PIK3C3: variants seen among roughly 807,000 people sequenced by gnomAD.
PIK3C3 encodes the protein phosphatidylinositol 3-kinase catalytic subunit type 3, also known as PI3-kinase type 3.
Under a neutral mutation model 126.1 loss-of-function variants are expected in PIK3C3, and 95 were observed. That is an observed-to-expected ratio of 0.75 (90% CI 0.64 to 0.89). PIK3C3 has a LOEUF of 0.89. PIK3C3 is among the 40% of genes least tolerant of loss of function. The probability of loss-of-function intolerance (pLI) is 0.00; values close to 1 mark genes in which losing one functional copy is unlikely to be tolerated. For synonymous variants in PIK3C3, 374 were observed against 360.0 expected, an observed-to-expected ratio of 1.04 and a Z score of -0.44; for missense variants, 829 against 1,063.2, an observed-to-expected ratio of 0.78 and a Z score of 3.06.
chr18:41,966,917 A>G (rs2144304580), intron 3 of PIK3C3, among the ~76,000 whole-genome samples: 1 of 152,298 alleles, frequency 6.6e-6, no homozygotes, highest in South Asian at 2.1e-4. Flanking sequence ...TAGGTCTAAG[A>G]TATTTTGAGG....
intron 1 of PIK3C3, among the ~76,000 whole-genome samples, chr18:41,956,096 T>G (rs1318963843): frequency 6.6e-6 from 1 of 151,904 alleles, no homozygotes; most frequent in Non-Finnish European, 1.5e-5. Flanking sequence ...CATGTAGGAG[T>G]GTTGTCAAAG....
At position 41,999,050 on chromosome 18, in the gene PIK3C3, T is replaced by C. The variant is rs114068002; in HGVS notation, c.984+2320T>C. On this transcript the variant is annotated intron_variant, in intron 9 of 24. Coordinates refer to ENST00000262039, the MANE Select transcript of PIK3C3 (RefSeq NM_002647.4). ...TCACACTTTTTATTTTTTAATTAAA[T>C]TTTGTCTTTCTACCCCCTTTTTTTT... Among the ~76,000 whole-genome samples, 501 of 152,224 alleles carry C rather than the reference T, an allele frequency of 3.3e-3. 2 individuals carry two copies. The highest frequency in any genetic ancestry group is 0.011 in the African/African-American group (473 of 41,540).
chr18:41,974,554 C>T (rs1348512547), intron 4 of PIK3C3, among the ~76,000 whole-genome samples: 2 of 151,482 alleles, frequency 1.3e-5, no homozygotes, highest in Non-Finnish European at 2.9e-5. Flanking sequence ...ATTACCCCCC[C>T]ACCCCCTGCC....
intron 15 of PIK3C3, among the ~76,000 whole-genome samples, chr18:42,030,147 G>A (rs1347150584): frequency 6.6e-6 from 1 of 152,134 alleles, no homozygotes; most frequent in Non-Finnish European, 1.5e-5. Flanking sequence ...GATATGGAAA[G>A]AATCTCTAGA....
chr18:41,987,106 A>G (rs1981519483), intron 4 of PIK3C3, among the ~76,000 whole-genome samples: 1 of 143,544 alleles, frequency 7.0e-6, no homozygotes, highest in Non-Finnish European at 1.6e-5. Context: ...CAATTTGTTT[A>G]GAAGGAATGA....
At chr18:42,032,067 A>G (rs562414249) in intron 15 of PIK3C3, among the ~76,000 whole-genome samples, 90 of 152,378 alleles carry the variant, frequency 5.9e-4, no homozygotes, top group Admixed American at 7.8e-4. Context: ...GCAGTGTTTC[A>G]CTTCTTAATA....
rs1156420067 is a variant in PIK3C3, at chr18:41,955,302, C to G, written c.11C>G (p.Ala4Gly). MGE[A>G]EKFHYIYSCD... ...TTTGCAGACGGTGCGATGGGGGAAG[C>G]AGAGAAGTTTCACTACATCTATAGT... Residue 4 changes from alanine to glycine, a missense_variant, in exon 1 of 25, where the codon GCA becomes GGA. Ala to Gly is a moderately conservative substitution (Grantham distance 60). Around this residue, in one of 4 missense-constraint regions of PIK3C3, gnomAD observed 313 missense variants for 340.7 expected, o/e 0.92. Transcript: ENST00000262039. The G allele has an allele frequency of 6.2e-7, 1 of 1,613,064 alleles. No homozygotes were observed.
intron 24 of PIK3C3, among the ~76,000 whole-genome samples, chr18:42,075,388 TCA>T (rs1985936174): frequency 6.6e-6 from 1 of 152,086 alleles, no homozygotes; most frequent in Non-Finnish European, 1.5e-5. Flanking sequence ...CACCAATATA[TCA>T]CACACAGCTT....
intron 9 of PIK3C3, among the ~76,000 whole-genome samples, chr18:42,004,118 A>T (rs1046899123): frequency 1.3e-5 from 2 of 152,244 alleles, no homozygotes; most frequent in South Asian, 4.1e-4. Flanking sequence ...AAATTAAAAA[A>T]TTCATAGTGC....
intron 3 of PIK3C3, among the ~76,000 whole-genome samples, chr18:41,966,921 T>A (rs549699857): frequency 6.6e-6 from 1 of 152,298 alleles, no homozygotes; most frequent in Admixed American, 6.5e-5. Context: ...TCTAAGATAT[T>A]TTGAGGGGGT....
intron 21 of PIK3C3, among the ~76,000 whole-genome samples, chr18:42,054,556 ACAGT>A (rs1270532373): frequency 1.2e-4 from 19 of 152,180 alleles, no homozygotes; most frequent in African/African-American, 3.9e-4. Context: ...AGTCAAGTTG[ACAGT>A]CAGTATTAAC....
chr18:41,965,765 C>G (rs887716535), intron 3 of PIK3C3, among the ~76,000 whole-genome samples: 5 of 152,096 alleles, frequency 3.3e-5, no homozygotes, highest in Non-Finnish European at 5.9e-5. Context: ...TGTGTATATC[C>G]CAGTGAAAGG....
At chr18:42,069,161 A>T (rs1985672349) in intron 24 of PIK3C3, among the ~76,000 whole-genome samples, 1 of 152,112 alleles carries the variant, frequency 6.6e-6, no homozygotes, top group Non-Finnish European at 1.5e-5. Flanking sequence ...TTTTCCCTGA[A>T]CACCAGTCTT....
intron 15 of PIK3C3, among the ~76,000 whole-genome samples, chr18:42,032,262 G>A (rs144345466): frequency 3.3e-4 from 51 of 152,334 alleles, no homozygotes; most frequent in Non-Finnish European, 5.1e-4. Flanking sequence ...ATTTGGAGCA[G>A]AGGGAATGGG....
At chr18:42,077,837 A>G (rs919590487) in intron 24 of PIK3C3, among the ~76,000 whole-genome samples, 5 of 152,206 alleles carry the variant, frequency 3.3e-5, no homozygotes, top group Non-Finnish European at 5.9e-5. Context: ...GCTGAGATCC[A>G]TCAGAGGAAT....
chr18:41,972,043 G>T (rs760634253), intron 4 of PIK3C3, among the ~76,000 whole-genome samples: 1 of 152,084 alleles, frequency 6.6e-6, no homozygotes, highest in African/African-American at 2.4e-5. Context: ...AGGCATCGGT[G>T]TATGGAGTAT....
chr18:42,051,767 G>T (rs1210810480), intron 21 of PIK3C3, among the ~76,000 whole-genome samples: 1 of 151,772 alleles, frequency 6.6e-6, no homozygotes, highest in Non-Finnish European at 1.5e-5. Flanking sequence ...TTTTTTATTG[G>T]TTGAATCTTT....
At chr18:42,008,320 A>G (rs1200097772) in intron 10 of PIK3C3, among the ~76,000 whole-genome samples, 1 of 152,156 alleles carries the variant, frequency 6.6e-6, no homozygotes, top group African/African-American at 2.4e-5. Context: ...GAAATGTAGA[A>G]TTTTTACGTT....
intron 22 of PIK3C3, among the ~76,000 whole-genome samples, chr18:42,064,471 T>TA (rs1183904686): frequency 1.3e-5 from 2 of 152,130 alleles, no homozygotes; most frequent in African/African-American, 4.8e-5. Context: ...ATATACTTAC[T>TA]AAAAAATGAA....
Sources: gnomAD v4.1 joint callset for allele counts (sites outside exome capture counted in the v4.1 genomes callset) on GRCh38, gnomAD v4.1.1 for gene constraint, gnomAD v4.1.1 regional missense constraint, MANE v1.5 for transcripts, NCBI Gene and HGNC (gene_info 2026-07-23, HGNC 2026-07-21) for gene names.